GRID1: variants seen among roughly 807,000 people sequenced by gnomAD.
The protein encoded by GRID1 is glutamate ionotropic receptor delta type subunit 1, also known as glutamate receptor ionotropic, delta-1.
GRID1 carries 28 observed loss-of-function variants against 98.0 expected under a neutral mutation model. That is an observed-to-expected ratio of 0.29 (90% CI 0.21 to 0.39). GRID1 has a LOEUF of 0.39. Among genes scored for constraint, GRID1 ranks in the 10% least tolerant of loss-of-function variants. The pLI, the probability that GRID1 is intolerant of heterozygous loss-of-function variation, is 1.00. For synonymous variants in GRID1, 553 were observed against 538.5 expected, an observed-to-expected ratio of 1.03 and a Z score of -0.37; for missense variants, 1,111 against 1,340.5, an observed-to-expected ratio of 0.83 and a Z score of 2.67.
In GRID1 at chr10:86,349,934, G is replaced by A. The variant is rs531111788; in HGVS notation, c.235+14007C>T. Among the ~76,000 whole-genome samples the A allele has an allele frequency of 9.2e-4, 140 of 152,314 alleles. 1 individual carries two copies. Among genetic ancestry groups the A allele is most frequent in the African/African-American group, 1.6e-3 (66 of 41,570 alleles). On this transcript the variant is annotated intron_variant, in intron 2 of 15. Coordinates refer to ENST00000327946, the MANE Select transcript of GRID1 (RefSeq NM_017551.3). ...ATAAATTAATAACATCATTGCCGAC[G>A]AGGACGCCTACAAAGAAGGAAAAGA...
At chr10:85,853,054 A>C (rs936473966) in intron 8 of GRID1, among the ~76,000 whole-genome samples, 16 of 151,790 alleles carry the variant, frequency 1.1e-4, no homozygotes, top group Non-Finnish European at 2.1e-4. Context: ...AATCCCCCGC[A>C]CCATCCCCCA....
chr10:86,119,916 G>A (rs968811509), intron 4 of GRID1, among the ~76,000 whole-genome samples: 2 of 151,840 alleles, frequency 1.3e-5, no homozygotes, highest in African/African-American at 2.4e-5. Flanking sequence ...TCAGCCTCCC[G>A]AGTAGCTGGG....
chr10:85,927,608 TC>T (rs1841793438), intron 4 of GRID1, among the ~76,000 whole-genome samples: 1 of 152,202 alleles, frequency 6.6e-6, no homozygotes, highest in Admixed American at 6.5e-5. Context: ...AGTCCTCTTT[TC>T]CCAGAAACTT....
intron 8 of GRID1, among the ~76,000 whole-genome samples, chr10:85,781,487 G>T (rs1289758590): frequency 6.6e-6 from 1 of 152,120 alleles, no homozygotes; most frequent in Non-Finnish European, 1.5e-5. Flanking sequence ...CAACATTATT[G>T]ATTACATGAG....
At chr10:85,788,386 G>C (rs1452322288) in intron 8 of GRID1, among the ~76,000 whole-genome samples, 2 of 152,142 alleles carry the variant, frequency 1.3e-5, no homozygotes, top group Non-Finnish European at 2.9e-5. Context: ...ATTATGTTTA[G>C]GTGTGTTCTT....
intron 5 of GRID1, among the ~76,000 whole-genome samples, chr10:85,889,369 T>C (rs1239817289): frequency 6.6e-6 from 1 of 152,218 alleles, no homozygotes; most frequent in East Asian, 1.9e-4. Flanking sequence ...TGGTAACCAC[T>C]GTTCTACTCT....
At chr10:85,858,263 T>C (rs1436132451) in intron 6 of GRID1, among the ~76,000 whole-genome samples, 1 of 152,130 alleles carries the variant, frequency 6.6e-6, no homozygotes, top group African/African-American at 2.4e-5. Context: ...GTCAAGAGTG[T>C]GCTAAAGCAA....
intron 5 of GRID1, 111 bp from the exon 6 acceptor site, chr10:85,869,291 C>G: frequency 3.4e-6 from 3 of 892,646 alleles, no homozygotes; most frequent in Non-Finnish European, 3.7e-6. Flanking sequence ...CCAAAGAGGG[C>G]AAGGGATTGG....
At chr10:85,818,997 A>C (rs1200507390) in intron 8 of GRID1, among the ~76,000 whole-genome samples, 3 of 152,202 alleles carry the variant, frequency 2.0e-5, no homozygotes, top group Non-Finnish European at 4.4e-5. Context: ...CTGGGATTAC[A>C]GGAGTGAGCC....
At position 86,190,074 on chromosome 10, in the gene GRID1, G is replaced by A. The variant is rs80143376; in HGVS notation, c.520+16290C>T. ...GTCCACCGCATGCCTTCCGTGACTC[G>A]GCCCCAGGCTCCTGCCTTCCCTTCA... On this transcript the variant is annotated intron_variant, in intron 3 of 15. Coordinates refer to ENST00000327946, the MANE Select transcript of GRID1 (RefSeq NM_017551.3). Among the ~76,000 whole-genome samples, 651 of 152,062 alleles carry A rather than the reference G, an allele frequency of 4.3e-3. 18 individuals are homozygous for A. In the East Asian group the frequency reaches 0.08, roughly 19 times the overall value.
intron 3 of GRID1, among the ~76,000 whole-genome samples, chr10:86,182,638 T>C (rs1239136822): frequency 6.6e-6 from 1 of 152,220 alleles, no homozygotes; most frequent in Non-Finnish European, 1.5e-5. Context: ...TGTCAGCTTC[T>C]AGATTGCAAT....
At chr10:86,191,640 G>T (rs976605073) in intron 3 of GRID1, among the ~76,000 whole-genome samples, 10 of 152,086 alleles carry the variant, frequency 6.6e-5, no homozygotes, top group Non-Finnish European at 1.2e-4. Flanking sequence ...GGCCATGGTT[G>T]GGTCTCCCAC....
intron 8 of GRID1, among the ~76,000 whole-genome samples, chr10:85,730,994 T>C (rs61446554): frequency 0.06 from 9,086 of 152,072 alleles, 509 homozygotes; most frequent in African/African-American, 0.15. Flanking sequence ...GAAGAAGAAC[T>C]CCAGTGGAAA....
intron 2 of GRID1, among the ~76,000 whole-genome samples, chr10:86,285,155 C>T (rs2132070859): frequency 6.6e-6 from 1 of 151,592 alleles, no homozygotes; most frequent in Non-Finnish European, 1.5e-5. Flanking sequence ...CCAGAGTGTC[C>T]CTGCAAACAC....
chr10:86,313,829 C>A (rs1054389600), intron 2 of GRID1, among the ~76,000 whole-genome samples: 1 of 152,182 alleles, frequency 6.6e-6, no homozygotes, highest in South Asian at 2.1e-4. Flanking sequence ...TGGTGGCTGG[C>A]TCCCTGAGGG....
At chr10:85,815,817 T>C (rs1842711241) in intron 8 of GRID1, among the ~76,000 whole-genome samples, 1 of 152,040 alleles carries the variant, frequency 6.6e-6, no homozygotes, top group Admixed American at 6.6e-5. Flanking sequence ...TTAAAACTCT[T>C]ATCTAATGAA....
At chr10:86,005,393 C>A (rs77471762) in intron 4 of GRID1, among the ~76,000 whole-genome samples, 17 of 151,268 alleles carry the variant, frequency 1.1e-4, no homozygotes, top group Non-Finnish European at 1.9e-4. Context: ...TAAAAGGCTA[C>A]CCCTAAGAGA....
rs563500518 is a variant in GRID1, at chr10:85,738,716, G to C, written c.1234-9102C>G. On this transcript the variant is annotated intron_variant, in intron 8 of 15. Transcript: ENST00000327946. ...ACAACAACATGGATAAAGCTCAAAA[G>C]CATTACGCCAAGTGAATGAAGCCAG... is the stretch of plus-strand genomic sequence containing the variant. 2.0e-5 allele frequency among the ~76,000 whole-genome samples: 3 copies of C among 152,318 alleles called. No homozygotes were observed. In the East Asian group the frequency reaches 5.8e-4, roughly 29 times the overall value.
chr10:86,194,236 T>C (rs181053420), intron 3 of GRID1, among the ~76,000 whole-genome samples: 156 of 152,200 alleles, frequency 1.0e-3, no homozygotes, highest in African/African-American at 3.3e-3. Context: ...TGAGGATGTA[T>C]CCACGGCTGC....
Sources: gnomAD v4.1 joint callset for allele counts (sites outside exome capture counted in the v4.1 genomes callset) on GRCh38, gnomAD v4.1.1 for gene constraint, MANE v1.5 for transcripts, NCBI Gene and HGNC (gene_info 2026-07-23, HGNC 2026-07-21) for gene names.